The following HACD2 variants were observed in gnomAD, a reference collection of about 807,000 sequenced individuals.
HACD2 encodes 3-hydroxyacyl-CoA dehydratase 2.
HACD2 carries 15 observed loss-of-function variants against 31.0 expected under a neutral mutation model. That is an observed-to-expected ratio of 0.48 (90% confidence interval 0.32 to 0.75). HACD2 has a LOEUF of 0.75. Among genes scored for constraint, HACD2 ranks in the 30% least tolerant of loss-of-function variants. The probability of loss-of-function intolerance (pLI) is 0.03; values close to 1 mark genes in which losing one functional copy is unlikely to be tolerated. For synonymous variants in HACD2, 115 were observed against 122.2 expected (o/e 0.94, Z 0.39); for missense variants, 283 against 313.0 (o/e 0.90, Z 0.72).
intron 3 of HACD2, among the ~76,000 whole-genome samples, chr3:123,545,390 C>T (rs1409143781): frequency 6.6e-6 from 1 of 150,582 alleles, no homozygotes; most frequent in East Asian, 2.0e-4. Flanking sequence ...GCTGAGGTGG[C>T]AAAATTGCTT....
intron 3 of HACD2, among the ~76,000 whole-genome samples, chr3:123,567,148 G>A (rs1285534746): frequency 2.0e-5 from 3 of 152,140 alleles, no homozygotes; most frequent in African/African-American, 7.2e-5. Context: ...AACTTTCCAA[G>A]ACTGGATTTT....
intron 3 of HACD2, among the ~76,000 whole-genome samples, chr3:123,565,392 G>A (rs770662830): frequency 6.6e-6 from 1 of 152,044 alleles, no homozygotes; most frequent in Admixed American, 6.6e-5. Flanking sequence ...TTCAGGAGGC[G>A]ATTAGGTCAC....
At chr3:123,526,333 A>C (rs929581246) in intron 4 of HACD2, among the ~76,000 whole-genome samples, 22 of 152,350 alleles carry the variant, frequency 1.4e-4, no homozygotes, top group African/African-American at 5.0e-4. Flanking sequence ...TGCAGAGAAA[A>C]AGAGAATGAG....
chr3:123,508,554 T>C (rs759892612), intron 4 of HACD2, among the ~76,000 whole-genome samples: 1 of 152,178 alleles, frequency 6.6e-6, no homozygotes, highest in African/African-American at 2.4e-5. Flanking sequence ...AAAACCACTA[T>C]TGTAGAAACC....
chr3:123,510,733 A>T (rs1211644722), intron 4 of HACD2, among the ~76,000 whole-genome samples: 1 of 152,196 alleles, frequency 6.6e-6, no homozygotes, highest in Middle Eastern at 3.2e-3. Flanking sequence ...ACATTGGTGT[A>T]TAAGTAAGTT....
intron 3 of HACD2, among the ~76,000 whole-genome samples, chr3:123,539,594 G>A (rs1360208693): frequency 2.0e-5 from 3 of 151,770 alleles, no homozygotes; most frequent in Non-Finnish European, 4.4e-5. Context: ...TTAAAAAAAC[G>A]TATGGTAGAA....
intron 3 of HACD2, among the ~76,000 whole-genome samples, chr3:123,537,499 G>T (rs1477433473): frequency 6.6e-6 from 1 of 151,760 alleles, no homozygotes; most frequent in East Asian, 1.9e-4. Flanking sequence ...AGGAGTTTGA[G>T]GCTGCATTGA....
intron 2 of HACD2, among the ~76,000 whole-genome samples, chr3:123,568,565 T>G (rs948216484): frequency 6.6e-6 from 1 of 152,152 alleles, no homozygotes; most frequent in African/African-American, 2.4e-5. Flanking sequence ...GTGCGTTGAG[T>G]GAGACTGCCA....
intron 4 of HACD2, among the ~76,000 whole-genome samples, chr3:123,506,937 T>C (rs941415162): frequency 6.6e-6 from 1 of 152,186 alleles, no homozygotes; most frequent in African/African-American, 2.4e-5. Context: ...ACTAGAAACA[T>C]ATAAACATAT....
chr3:123,517,422 A>G (rs2056151556), intron 4 of HACD2, among the ~76,000 whole-genome samples: 1 of 152,226 alleles, frequency 6.6e-6, no homozygotes. Flanking sequence ...ACTCAATTCA[A>G]ACACAGACAC....
At chr3:123,566,194 A>G (rs2056790101) in intron 3 of HACD2, among the ~76,000 whole-genome samples, 1 of 152,166 alleles carries the variant, frequency 6.6e-6, no homozygotes, top group Non-Finnish European at 1.5e-5. Flanking sequence ...TACGTATAAA[A>G]TTTTGCACAT....
At chr3:123,540,063 G>C (rs890603902) in intron 3 of HACD2, among the ~76,000 whole-genome samples, 27 of 149,424 alleles carry the variant, frequency 1.8e-4, no homozygotes, top group Non-Finnish European at 3.1e-4. Context: ...CAGCCTAGGG[G>C]ACGGAGTGAG....
intron 6 of HACD2, among the ~76,000 whole-genome samples, chr3:123,496,561 C>T (rs143598834): frequency 8.3e-4 from 126 of 152,248 alleles, no homozygotes; most frequent in African/African-American, 2.8e-3. Context: ...CCAGGCAGGA[C>T]GTCGTTCACA....
chr3:123,504,238 C>T (rs764670785), intron 4 of HACD2, among the ~76,000 whole-genome samples: 44 of 152,162 alleles, frequency 2.9e-4, no homozygotes, highest in Non-Finnish European at 5.7e-4. Flanking sequence ...TTATAATCCT[C>T]TTTATCTTAA....
chr3:123,570,134 T>G (rs577032740), intron 2 of HACD2, among the ~76,000 whole-genome samples: 1 of 149,502 alleles, frequency 6.7e-6, no homozygotes, highest in South Asian at 2.2e-4. Context: ...GTCTCAGTCC[T>G]CAGATGCACT....
chr3:123,551,346 C>T lies in HACD2; in HGVS notation c.292+16416G>A, dbSNP rs551539680. ...ATAAATGATAAATATAGGCCGGGCA[C>T]GGTGGCTCACACTTGTAATCCCAGC... On this transcript the variant is annotated intron_variant, in intron 3 of 6. Transcript: ENST00000383657. Among the ~76,000 whole-genome samples the T allele has an allele frequency of 8.7e-4, 132 of 152,204 alleles. No homozygotes were observed. The South Asian group carries it at 0.025, about 29-fold the overall frequency.
intron 3 of HACD2, among the ~76,000 whole-genome samples, chr3:123,530,657 T>C (rs2056348498): frequency 6.6e-6 from 1 of 152,148 alleles, no homozygotes; most frequent in African/African-American, 2.4e-5. Context: ...TCCGCCTGCC[T>C]TGGCCTCCCA....
intron 4 of HACD2, among the ~76,000 whole-genome samples, chr3:123,510,837 CAA>C (rs2056051063): frequency 6.6e-6 from 1 of 151,688 alleles, no homozygotes; most frequent in South Asian, 2.1e-4. Context: ...GAGAAACTGC[CAA>C]ACTGTTGTCC....
intron 4 of HACD2, among the ~76,000 whole-genome samples, chr3:123,512,401 A>G (rs375429533): frequency 1.1e-4 from 17 of 152,306 alleles, no homozygotes; most frequent in African/African-American, 3.6e-4. Flanking sequence ...ATATGTCATT[A>G]GATAAGATTC....
Sources: gnomAD v4.1 joint callset for allele counts (sites outside exome capture counted in the v4.1 genomes callset) on GRCh38, gnomAD v4.1.1 for gene constraint, MANE v1.5 for transcripts, NCBI Gene and HGNC (gene_info 2026-07-23, HGNC 2026-07-21) for gene names.